Variants in MTRF1 observed in about 807,000 individuals in gnomAD.
MTRF1 encodes peptide chain release factor 1, mitochondrial.
Under a neutral mutation model 62.9 loss-of-function variants are expected in MTRF1, and 51 were observed. The ratio of observed to expected loss-of-function variants is 0.81; its 90% CI spans 0.65 to 1.02. The LOEUF (loss-of-function observed/expected upper bound fraction) is 1.02. Ranked by LOEUF, MTRF1 falls within the 50% of genes least tolerant of loss-of-function variation. MTRF1 has a pLI of 0.00. For synonymous variants in MTRF1, 158 were observed against 181.9 expected (o/e 0.87, Z 1.06); for missense variants, 446 against 530.0 (o/e 0.84, Z 1.56).
chr13:41,220,027 G>A (rs2032927604), intron 9 of MTRF1, among the ~76,000 whole-genome samples: 1 of 132,216 alleles, frequency 7.6e-6, no homozygotes, highest in East Asian at 2.2e-4. Context: ...AAAAGAATGA[G>A]TATTAGGACA....
chr13:41,303,722 C>T, the MTRF1 span, among the ~76,000 whole-genome samples: 13 of 152,232 alleles, frequency 8.5e-5, no homozygotes, highest in East Asian at 1.9e-4. Context: ...TCTAGGTTAA[C>T]GGAACAGATT....
At chr13:41,234,550 C>T (rs565823968) in intron 6 of MTRF1, among the ~76,000 whole-genome samples, 3 of 152,100 alleles carry the variant, frequency 2.0e-5, no homozygotes, top group South Asian at 2.1e-4. Context: ...TCAAAAGTTT[C>T]ATCATTCATC....
At chr13:41,309,315 A>G in the MTRF1 span, among the ~76,000 whole-genome samples, 3 of 150,148 alleles carry the variant, frequency 2.0e-5, no homozygotes, top group South Asian at 6.3e-4. Context: ...AGCTGGGACT[A>G]CAGGCACTCG....
chr13:41,268,253 T>C (rs1308259449), upstream of MTRF1, among the ~76,000 whole-genome samples: 1 of 152,210 alleles, frequency 6.6e-6, no homozygotes, highest in Non-Finnish European at 1.5e-5. Flanking sequence ...TATTTGACAA[T>C]GCTTCCTGTG....
chr13:41,260,427 GCATATAAGTGTGTGGT>G, intron 2 of MTRF1, 50 bp downstream of exon 2: 1 of 1,263,120 alleles, frequency 7.9e-7, no homozygotes, highest in Non-Finnish European at 1.1e-6. Flanking sequence ...TTACACACAC[GCATATAAGTGTGTGGT>G]TTTTTTTTTC....
chr13:41,299,042 G>A, the MTRF1 span, among the ~76,000 whole-genome samples: 8,007 of 152,014 alleles, frequency 0.053, 283 homozygotes, highest in Non-Finnish European at 0.074. Flanking sequence ...TTAGCTGGGC[G>A]TGACGCACGC....
chr13:41,304,885 A>G, the MTRF1 span, among the ~76,000 whole-genome samples: 1 of 152,182 alleles, frequency 6.6e-6, no homozygotes. Flanking sequence ...CATTGGCTCT[A>G]TTTTCAATTC....
At chr13:41,269,199 G>GGTTTTTTTTTTTTTTTTTTTGTT in the MTRF1 span, among the ~76,000 whole-genome samples, 1 of 68,702 alleles carries the variant, frequency 1.5e-5, no homozygotes, top group Non-Finnish European at 2.9e-5. Flanking sequence ...TTTTTTTTTG[G>GGTTTTTTTTTTTTTTTTTTTGTT]TTTTTTTTTT....
At chr13:41,219,608 G>A (rs182734155) in intron 9 of MTRF1, among the ~76,000 whole-genome samples, 160 of 152,310 alleles carry the variant, frequency 1.1e-3, no homozygotes, top group African/African-American at 3.6e-3. Context: ...GGTGGCATCA[G>A]GGAAAGATTC....
At chr13:41,244,753 T>G (rs1338631384) in intron 5 of MTRF1, among the ~76,000 whole-genome samples, 1 of 152,090 alleles carries the variant, frequency 6.6e-6, no homozygotes. Flanking sequence ...ACTACATGAG[T>G]GAGCTTGCAA....
chr13:41,270,282 A>C, the MTRF1 span, among the ~76,000 whole-genome samples: 1 of 152,236 alleles, frequency 6.6e-6, no homozygotes, highest in Non-Finnish European at 1.5e-5. Flanking sequence ...TATTTATTAA[A>C]GATTTTACTT....
intron 8 of MTRF1, 86 bp from the exon 9 acceptor site, chr13:41,223,440 C>A: frequency 9.5e-7 from 1 of 1,050,990 alleles, no homozygotes; most frequent in Non-Finnish European, 1.4e-6. Flanking sequence ...ATGACCATTT[C>A]AACAATTTAG....
chr13:41,243,485 G>T (rs2037819193), intron 5 of MTRF1, among the ~76,000 whole-genome samples: 1 of 151,876 alleles, frequency 6.6e-6, no homozygotes, highest in Non-Finnish European at 1.5e-5. Context: ...GTGTGGGCAG[G>T]TATCATCTGG....
the MTRF1 span, among the ~76,000 whole-genome samples, chr13:41,289,232 A>AT: frequency 0.9 from 123,717 of 137,496 alleles, 55,905 homozygotes; most frequent in South Asian, 0.97. Context: ...GTGGATTTAA[A>AT]TTTTTTTTTT....
chr13:41,225,221 A>AC (rs933437540), intron 8 of MTRF1, among the ~76,000 whole-genome samples: 22 of 151,650 alleles, frequency 1.5e-4, no homozygotes, highest in Non-Finnish European at 2.9e-4. Flanking sequence ...AAAAAAAAAA[A>AC]AAAAAAACTT....
the MTRF1 span, among the ~76,000 whole-genome samples, chr13:41,283,327 G>A: frequency 2.5e-4 from 38 of 152,084 alleles, no homozygotes; most frequent in Non-Finnish European, 3.8e-4. Context: ...CTCTGACACC[G>A]ACCAAGACAT....
In MTRF1 at chr13:41,233,763, C is replaced by G; in HGVS notation, c.988+127G>C. 9 of 736,448 alleles carry G rather than the reference C, an allele frequency of 1.2e-5. No homozygotes were observed. In the South Asian group the frequency reaches 1.4e-4, roughly 11 times the overall value. 45.6% of individuals were successfully genotyped at this position (736,448 alleles called of 1,614,324 possible). ...ATATGAACACAATAGCCATCCTGAT[C>G]CACAACCCCAGTGACATTTTTAAAG... On this transcript the variant is annotated intron_variant, in intron 7 of 9. Transcript: ENST00000379480.
At chr13:41,257,055 A>G (rs1457760377) in intron 2 of MTRF1, among the ~76,000 whole-genome samples, 1 of 152,042 alleles carries the variant, frequency 6.6e-6, no homozygotes, top group African/African-American at 2.4e-5. Context: ...TTGTAAGAGG[A>G]CTGGCTTTTA....
chr13:41,285,583 A>G, the MTRF1 span, among the ~76,000 whole-genome samples: 1 of 152,194 alleles, frequency 6.6e-6, no homozygotes, highest in Non-Finnish European at 1.5e-5. Context: ...TGGTTTATTG[A>G]AGCTGGTATC....
Sources: allele counts gnomAD v4.1 joint callset (sites outside exome capture counted in the v4.1 genomes callset), GRCh38; gene constraint gnomAD v4.1.1; transcripts MANE v1.5; gene names NCBI Gene and HGNC (gene_info 2026-07-23, HGNC 2026-07-21).